ZNF468: variants seen among roughly 807,000 people sequenced by gnomAD.
ZNF468 encodes zinc finger protein 468, also known as zinc finger protein ZNF468.
In ZNF468, 8 loss-of-function variants were observed where a neutral mutation model predicts 7.2. The ratio of observed to expected loss-of-function variants is 1.11; its 90% CI spans 0.65 to 2.01. ZNF468 has a LOEUF of 2.01. Ranked by LOEUF, ZNF468 falls within the 30% of genes most tolerant of loss-of-function variation. ZNF468 has a pLI of 0.00. For missense variants in ZNF468, 608 were observed against 626.5 expected, an observed-to-expected ratio of 0.97 and a Z score of 0.31; for synonymous variants, 218 against 214.4, an observed-to-expected ratio of 1.02 and a Z score of -0.15.
chr19:52,849,506 A>G, intron 2 of ZNF468: 1 of 473,982 alleles, frequency 2.1e-6, no homozygotes, highest in Non-Finnish European at 3.4e-6. Flanking sequence ...TGAAACTTTT[A>G]TAGACACACC....
In ZNF468 at chr19:52,838,012, A is replaced by AT. The variant is rs1335584376; in HGVS notation, c.*2712dup. 1 of 152,164 alleles carries AT rather than the reference A, an allele frequency of 6.6e-6. No individual in the cohort carries two copies. Among genetic ancestry groups the AT allele is most frequent in the Non-Finnish European group, 1.5e-5 (1 of 68,028 alleles). 9.4% of individuals were successfully genotyped at this position (152,164 alleles called of 1,614,324 possible). A position where few individuals can be genotyped will look rare whatever the true frequency, so the allele number is the denominator to read the frequency against. ...AAACTAGACCCTGTTCAGACATGTT[A>AT]TAACAGATTTGTGCCAGTTTATTTT... On this transcript the variant is annotated 3_prime_UTR_variant, in exon 4 of 4. Transcript: ENST00000595646.
chr19:52,846,696 C>G (rs1212177126), intron 3 of ZNF468: 1 of 153,282 alleles, frequency 6.5e-6, no homozygotes, highest in Non-Finnish European at 1.4e-5. Flanking sequence ...ACTAAAAGAC[C>G]AAACTATTTA....
Position 52,842,008 on chromosome 19 carries a change from C to T in ZNF468, c.286G>A (p.Gly96Ser). The change falls in exon 4 of 4, where the codon GGC (glycine) becomes AGC (serine). Residue 96 changes from glycine to serine, a missense_variant. By Grantham distance (56) the Gly-to-Ser change is moderately conservative (BLOSUM62 0). Coordinates refer to ENST00000595646, the MANE Select transcript of ZNF468 (RefSeq NM_001008801.2). ...CFHEIEKDIH[G>S]FEFQWKEDET... ...TCTTCTTTCCACTGAAACTCGAAGC[C>T]ATGAATGTCTTTCTCAATTTCATGG... The T allele has an allele frequency of 1.2e-6, 2 of 1,613,914 alleles. No homozygotes were observed. The highest frequency in any genetic ancestry group is 1.1e-5 in the South Asian group (1 of 91,058).
intron 2 of ZNF468, among the ~76,000 whole-genome samples, chr19:52,850,953 G>A (rs552635649): frequency 1.5e-4 from 22 of 151,298 alleles, no homozygotes; most frequent in African/African-American, 4.8e-4. Flanking sequence ...ATCATGTGAT[G>A]ATAAATATAA....
chr19:52,845,361 TA>T (rs68074940), intron 3 of ZNF468: 13,070 of 148,014 alleles, frequency 0.088, 569 homozygotes, highest in South Asian at 0.099. Context: ...AACAAGCCTA[TA>T]TAAAGTTCTC....
chr19:52,841,907 C>G lies in ZNF468; in HGVS notation c.387G>C (p.Arg129Ser), dbSNP rs373657914. The G allele has an allele frequency of 1.6e-5, 26 of 1,613,934 alleles. No homozygotes were observed. Among genetic ancestry groups the G allele is most frequent in the Admixed American group, 8.3e-5 (5 of 59,982 alleles). ...CTTTAATACGCTTGTTTCCAGCATG[C>G]CTTTGATCATGTTGGCCTGTACTAC... is the stretch of plus-strand genomic sequence containing the variant. ...LAGSTGQHDQ[R>S]HAGNKRIKDQ... is the part of the protein sequence containing the mutation. Residue 129 changes from arginine to serine, a missense_variant, in exon 4 of 4, where the codon AGG (arginine) becomes AGC (serine). Physicochemically the swap from Arg to Ser is moderately radical, Grantham distance 110. Transcript: ENST00000595646.
In ZNF468 at chr19:52,842,169, C is replaced by A. The variant is rs897133841; in HGVS notation, c.143-18G>T. On this transcript the variant is annotated intron_variant, in intron 3 of 3. Coordinates refer to ENST00000595646, the MANE Select transcript of ZNF468 (RefSeq NM_001008801.2). ...AGAGATATCTACAAAATTTAAACAC[C>A]AATAGGTTTCCAATTAAGTACAGAC... is the stretch of plus-strand genomic sequence containing the variant. 24 of 1,556,632 alleles carry A rather than the reference C, an allele frequency of 1.5e-5. No homozygotes were observed. The African/African-American group carries it at 3.0e-4, about 20-fold the overall frequency.
At position 52,842,117 on chromosome 19, in the gene ZNF468, C is replaced by T. The variant is rs776690541; in HGVS notation, c.177G>A (p.Ser59=). The change falls in exon 4 of 4, where the codon TCG becomes TCA. Residue 59 remains serine (S), a synonymous_variant. Transcript: ENST00000595646. ...CTTCTGTATTGCCTTGCCCTGTTGA[C>T]GACAACGTCTTCAACATGCATTTGG... ...ISSKCMLKTL[S]STGQGNTEVI... is the part of the protein sequence containing the mutation. 60 of 1,595,906 alleles carry T rather than the reference C, an allele frequency of 3.8e-5. 1 individual carries two copies. The highest frequency in any genetic ancestry group is 4.4e-5 in the Non-Finnish European group (52 of 1,171,408).
In ZNF468 at chr19:52,840,287, G is replaced by T. The variant is rs544713598; in HGVS notation, c.*438C>A. 1.6e-4 allele frequency: 67 copies of T among 410,340 alleles called. No homozygotes were observed. The Middle Eastern group carries it at 3.5e-3, about 22-fold the overall frequency. 25.4% of individuals were successfully genotyped at this position (410,340 alleles called of 1,614,324 possible). On this transcript the variant is annotated 3_prime_UTR_variant, in exon 4 of 4. Transcript: ENST00000595646. ...AAACCATGTCACATTCATTGTGCTT[G>T]TAAGGTTTCTCTCCACTATGAATTA...
At chr19:52,853,176 A>T (rs1232055376) in intron 2 of ZNF468, among the ~76,000 whole-genome samples, 1 of 152,052 alleles carries the variant, frequency 6.6e-6, no homozygotes, top group Admixed American at 6.6e-5. Context: ...TTAAAGTCTC[A>T]TAACGATGCA....
At chr19:52,851,075 C>T (rs1600529589) in intron 2 of ZNF468, among the ~76,000 whole-genome samples, 1 of 151,868 alleles carries the variant, frequency 6.6e-6, no homozygotes, top group South Asian at 2.1e-4. Context: ...GAGTTCAAGA[C>T]CAGCATGGCC....
chr19:52,841,610 T>C lies in ZNF468; in HGVS notation c.684A>G (p.Ser228=), dbSNP rs768024697. Residue 228 remains serine, a synonymous_variant, in exon 4 of 4, where the codon TCA becomes TCG. Coordinates refer to ENST00000595646, the MANE Select transcript of ZNF468 (RefSeq NM_001008801.2). ...GAATTATCTGATGTTTTTTTAAGAG[T>C]GAGCTGCAATTAAAGGATTTGAAGC... ...IQSFKSFNCS[S]LLKKHQIIHL... The C allele has an allele frequency of 6.2e-7, 1 of 1,614,080 alleles. No homozygotes were observed. Among genetic ancestry groups the C allele is most frequent in the East Asian group, 2.2e-5 (1 of 44,866 alleles).
At position 52,840,583 on chromosome 19, in the gene ZNF468, C is replaced by A; in HGVS notation, c.*142G>T. The A allele has an allele frequency of 7.0e-7, 1 of 1,428,642 alleles. No individual in the cohort carries two copies. Among genetic ancestry groups the A allele is most frequent in the East Asian group, 2.3e-5 (1 of 43,928 alleles). The allele number at this position is 1,428,642 out of a possible 1,614,324, so 88.5% of individuals were successfully genotyped here. On this transcript the variant is annotated 3_prime_UTR_variant, in exon 4 of 4. Coordinates refer to ENST00000595646, the MANE Select transcript of ZNF468 (RefSeq NM_001008801.2). ...GTAAGGTTTCTCTCCAGTATGAAGT[C>A]TATGGTGATGTGCAAAGGTTGCTTT...
chr19:52,853,096 C>G (rs2063404072), intron 2 of ZNF468, among the ~76,000 whole-genome samples: 1 of 152,002 alleles, frequency 6.6e-6, no homozygotes, highest in South Asian at 2.1e-4. Context: ...ACCTTGTGAT[C>G]CACCCACCTC....
chr19:52,857,274 G>A (rs2063448759), intron 1 of ZNF468, among the ~76,000 whole-genome samples: 1 of 152,230 alleles, frequency 6.6e-6, no homozygotes, highest in Admixed American at 6.5e-5. Context: ...CCTCTAGGGT[G>A]AGGACTTTAA....
At chr19:52,855,247 G>A (rs1372991428) in intron 1 of ZNF468, among the ~76,000 whole-genome samples, 2 of 150,652 alleles carry the variant, frequency 1.3e-5, no homozygotes, top group Non-Finnish European at 3.0e-5. Context: ...TAATGCCATA[G>A]ACACTGATGG....
rs530037039 is a variant in ZNF468, at chr19:52,855,756, C to A, written c.-73-1411G>T. Reference sequence around the variant, plus strand: ...TCTAATTACAACTGGGCACTCTCCTCTACCAGAAAAAAAGCCACACCCAGA... The same window carrying A: ...TCTAATTACAACTGGGCACTCTCCTATACCAGAAAAAAAGCCACACCCAGA... On this transcript the variant is annotated intron_variant, in intron 1 of 3. Coordinates refer to ENST00000595646, the MANE Select transcript of ZNF468 (RefSeq NM_001008801.2). Among the ~76,000 whole-genome samples, 4 of 152,250 alleles carry A rather than the reference C, an allele frequency of 2.6e-5. No individual in the cohort carries two copies. The East Asian group carries it at 7.8e-4, about 30-fold the overall frequency.
Position 52,838,340 on chromosome 19 carries a change from A to T in ZNF468, c.*2385T>A, listed in dbSNP as rs998463872. 6.6e-6 allele frequency: 1 copy of T among 152,310 alleles called. No individual in the cohort carries two copies. Among genetic ancestry groups the T allele is most frequent in the Middle Eastern group, 3.4e-3 (1 of 294 alleles). The allele number at this position is 152,310 out of a possible 1,614,324, so 9.4% of individuals were successfully genotyped here. ...AAATCCCACACAAAATAGATACAGA[A>T]GAAAATTTACCTCAGCAATACAAAG... On this transcript the variant is annotated 3_prime_UTR_variant, in exon 4 of 4. Coordinates refer to ENST00000595646, the MANE Select transcript of ZNF468 (RefSeq NM_001008801.2).
chr19:52,856,537 A>ACT (rs1465985691), intron 1 of ZNF468, among the ~76,000 whole-genome samples: 42 of 123,722 alleles, frequency 3.4e-4, no homozygotes, highest in African/African-American at 1.0e-3. Flanking sequence ...CCCTGGACCC[A>ACT]ATCTGGCACC....
Sources: gnomAD v4.1 joint callset for allele counts (sites outside exome capture counted in the v4.1 genomes callset) on GRCh38, gnomAD v4.1.1 for gene constraint, MANE v1.5 for transcripts, NCBI Gene and HGNC (gene_info 2026-07-23, HGNC 2026-07-21) for gene names.